Variants in SOX5 observed in about 807,000 individuals in gnomAD.
SOX5 encodes SRY-box transcription factor 5, also known as transcription factor SOX-5.
Under a neutral mutation model 92.0 loss-of-function variants are expected in SOX5, and 9 were observed. The observed-to-expected ratio is 0.10, with a 90% CI of 0.06 to 0.17. The LOEUF is 0.17. Among genes scored for constraint, SOX5 ranks in the 10% least tolerant of loss-of-function variants. SOX5 has a pLI of 1.00. For missense variants in SOX5, 642 were observed against 944.5 expected (o/e 0.68, Z 4.20); for synonymous variants, 344 against 336.3 (o/e 1.02, Z -0.25).
chr12:24,479,838 G>C (rs991961908), intron 1 of SOX5, among the ~76,000 whole-genome samples: 1 of 151,968 alleles, frequency 6.6e-6, no homozygotes, highest in African/African-American at 2.4e-5. Flanking sequence ...GCTAATTTTT[G>C]TATTGTTAGT....
At chr12:24,318,132 C>T (rs1023843132) in intron 2 of SOX5, among the ~76,000 whole-genome samples, 1 of 152,110 alleles carries the variant, frequency 6.6e-6, no homozygotes, top group Non-Finnish European at 1.5e-5. Context: ...TCGCTTGAAA[C>T]CGGGAGGCAG....
chr12:24,089,806 T>C (rs1018188753), intron 4 of SOX5, among the ~76,000 whole-genome samples: 28 of 152,166 alleles, frequency 1.8e-4, no homozygotes, highest in Admixed American at 1.6e-3. Flanking sequence ...ATTCTGAATA[T>C]GGGAACTCTC....
chr12:23,963,788 A>G (rs1947241263), intron 4 of SOX5, among the ~76,000 whole-genome samples: 1 of 136,350 alleles, frequency 7.3e-6, no homozygotes, highest in Admixed American at 7.4e-5. Flanking sequence ...AAAAAACTGG[A>G]AGGCTATATA....
At chr12:24,407,896 AT>A (rs1166897649) in intron 1 of SOX5, among the ~76,000 whole-genome samples, 3 of 152,212 alleles carry the variant, frequency 2.0e-5, no homozygotes, top group Non-Finnish European at 4.4e-5. Context: ...AAGACTTGGA[AT>A]TTTTTAAAGC....
intron 1 of SOX5, among the ~76,000 whole-genome samples, chr12:24,539,554 G>T (rs1392299717): frequency 6.6e-6 from 1 of 152,024 alleles, no homozygotes; most frequent in Non-Finnish European, 1.5e-5. Context: ...CTATTGTAAT[G>T]CACTAAAGCT....
At chr12:23,632,419 T>TATAC (rs2078664637) in intron 8 of SOX5, among the ~76,000 whole-genome samples, 1 of 152,154 alleles carries the variant, frequency 6.6e-6, no homozygotes, top group Non-Finnish European at 1.5e-5. Context: ...ACTTAACAAG[T>TATAC]ATACATCCTT....
intron 3 of SOX5, among the ~76,000 whole-genome samples, chr12:23,842,501 C>G (rs566335289): frequency 6.6e-6 from 1 of 152,134 alleles, no homozygotes; most frequent in Non-Finnish European, 1.5e-5. Flanking sequence ...AACGATACGT[C>G]AGAAGCAAGG....
intron 4 of SOX5, among the ~76,000 whole-genome samples, chr12:24,146,886 T>C (rs548968994): frequency 2.6e-5 from 4 of 152,196 alleles, no homozygotes; most frequent in African/African-American, 7.2e-5. Flanking sequence ...TTACACAAAA[T>C]GAACATATTC....
chr12:23,676,848 T>C (rs1320917945), intron 6 of SOX5, among the ~76,000 whole-genome samples: 4 of 152,202 alleles, frequency 2.6e-5, no homozygotes, highest in African/African-American at 9.6e-5. Context: ...CATACAACTA[T>C]ACCATTAGGT....
intron 6 of SOX5, among the ~76,000 whole-genome samples, chr12:23,723,672 T>C (rs2092955008): frequency 6.9e-6 from 1 of 145,088 alleles, no homozygotes; most frequent in South Asian, 2.2e-4. Flanking sequence ...GAAAAGTAAA[T>C]GATCAAAAAA....
intron 4 of SOX5, among the ~76,000 whole-genome samples, chr12:24,132,896 C>A (rs1329073940): frequency 6.6e-6 from 1 of 152,104 alleles, no homozygotes; most frequent in Non-Finnish European, 1.5e-5. Context: ...CCTCATTTCC[C>A]TGGACAACAA....
intron 1 of SOX5, among the ~76,000 whole-genome samples, chr12:24,465,953 C>T (rs1944186934): frequency 6.6e-6 from 1 of 152,192 alleles, no homozygotes; most frequent in East Asian, 1.9e-4. Context: ...CTACCACCTT[C>T]GTCTACTAAT....
At chr12:23,869,417 T>A (rs1222264690) in intron 2 of SOX5, among the ~76,000 whole-genome samples, 1 of 152,148 alleles carries the variant, frequency 6.6e-6, no homozygotes, top group Non-Finnish European at 1.5e-5. Context: ...CATTTTCAAA[T>A]CATATCTATC....
Position 23,543,237 on chromosome 12 carries a change from T to C in SOX5, c.1745A>G (p.His582Arg). Residue 582 changes from histidine to arginine, a missense_variant, in exon 13 of 15, where the codon CAC (histidine) becomes CGC (arginine). Physicochemically the swap from His to Arg is conservative, Grantham distance 29. This residue lies in a region of SOX5 where 24 missense variants were observed against 84.4 expected (regional missense o/e 0.28). Coordinates refer to ENST00000451604, the MANE Select transcript of SOX5 (RefSeq NM_006940.6). ...RKILQAFPDMHNSNISKILGS... is the reference protein window; with the variant it reads ...RKILQAFPDMRNSNISKILGS... The stretch of plus-strand genomic sequence containing the variant: ...CAATATCTTGCTGATGTTGGAGTTG[T>C]GCATGTCAGGAAAGGCTTGAAGGAT... 6.2e-7 allele frequency: 1 copy of C among 1,613,910 alleles called. No individual in the cohort carries two copies. Among genetic ancestry groups the C allele is most frequent in the Non-Finnish European group, 8.5e-7 (1 of 1,179,834 alleles).
intron 3 of SOX5, among the ~76,000 whole-genome samples, chr12:23,838,253 C>T (rs1276182938): frequency 1.3e-5 from 2 of 148,156 alleles, no homozygotes; most frequent in Non-Finnish European, 3.0e-5. Flanking sequence ...TGTCAACATT[C>T]TACTATTCTT....
intron 4 of SOX5, among the ~76,000 whole-genome samples, chr12:23,990,708 A>G (rs2136254847): frequency 6.6e-6 from 1 of 152,190 alleles, no homozygotes; most frequent in Middle Eastern, 3.4e-3. Context: ...TTTGTTAGCT[A>G]AGTCTCTAAG....
chr12:23,898,343 G>A lies in SOX5; in HGVS notation c.39-2319C>T, dbSNP rs369260434. Among the ~76,000 whole-genome samples, 5 of 152,202 alleles carry A rather than the reference G, an allele frequency of 3.3e-5. No individual in the cohort carries two copies. The South Asian group carries it at 6.2e-4, about 19-fold the overall frequency. On this transcript the variant is annotated intron_variant, in intron 1 of 14. Coordinates refer to ENST00000451604, the MANE Select transcript of SOX5 (RefSeq NM_006940.6). ...CTGGAATTAATACACTGGTATTCTG[G>A]TGTCTGCCTCAGACTCATGTATAGT...
At chr12:23,548,450 G>A (rs1272865758) in intron 11 of SOX5, among the ~76,000 whole-genome samples, 2 of 152,036 alleles carry the variant, frequency 1.3e-5, no homozygotes, top group African/African-American at 4.8e-5. Flanking sequence ...CTTCTCAAGA[G>A]GACGTCAGTG....
At chr12:24,445,166 C>T (rs189353039) in intron 1 of SOX5, among the ~76,000 whole-genome samples, 10 of 152,186 alleles carry the variant, frequency 6.6e-5, no homozygotes, top group Admixed American at 4.6e-4. Flanking sequence ...TCAAGTTAAA[C>T]GAGAATTGTC....
Sources: allele counts gnomAD v4.1 joint callset (sites outside exome capture counted in the v4.1 genomes callset), GRCh38; gene constraint gnomAD v4.1.1; regional missense constraint gnomAD v4.1.1; transcripts MANE v1.5; gene names NCBI Gene and HGNC (gene_info 2026-07-23, HGNC 2026-07-21).